COL5A2: variants seen among roughly 807,000 people sequenced by gnomAD.
COL5A2 encodes collagen alpha-2(V) chain.
A neutral mutation model predicts 208.2 loss-of-function variants in COL5A2; 23 were observed. That is an observed-to-expected ratio of 0.11 (90% CI 0.08 to 0.16). The LOEUF (loss-of-function observed/expected upper bound fraction) is 0.16. Ranked by LOEUF, COL5A2 falls within the 10% of genes least tolerant of loss-of-function variation. The probability of loss-of-function intolerance (pLI) is 1.00; values close to 1 mark genes in which losing one functional copy is unlikely to be tolerated. For missense variants in COL5A2, 1,590 were observed against 1,956.4 expected, an observed-to-expected ratio of 0.81 and a Z score of 3.53; for synonymous variants, 625 against 628.5, an observed-to-expected ratio of 0.99 and a Z score of 0.08.
At chr2:189,382,560 C>T in the COL5A2 span, among the ~76,000 whole-genome samples, 4 of 152,050 alleles carry the variant, frequency 2.6e-5, no homozygotes, top group Non-Finnish European at 5.9e-5. Context: ...AAAAAAGTTT[C>T]TGGTTCTTGT....
chr2:189,245,645 T>C, the COL5A2 span, among the ~76,000 whole-genome samples: 1 of 152,016 alleles, frequency 6.6e-6, no homozygotes, highest in Admixed American at 6.6e-5. Flanking sequence ...CCACCGTGCC[T>C]GGCTAATTTT....
chr2:189,433,639 T>C, the COL5A2 span, among the ~76,000 whole-genome samples: 3 of 152,262 alleles, frequency 2.0e-5, no homozygotes, highest in South Asian at 2.1e-4. Flanking sequence ...CAGGAAGAAG[T>C]TGAATCTCTG....
At chr2:189,064,136 G>A (rs566823524) in intron 25 of COL5A2, 103 bp from the exon 26 acceptor site, 40 of 888,166 alleles carry the variant, frequency 4.5e-5, no homozygotes, top group Admixed American at 1.2e-4. Context: ...TGAATAGAAT[G>A]ACATTTCTGT....
At chr2:189,118,018 G>T (rs530245503) in intron 1 of COL5A2, among the ~76,000 whole-genome samples, 1 of 152,052 alleles carries the variant, frequency 6.6e-6, no homozygotes, top group African/African-American at 2.4e-5. Flanking sequence ...TATATAAAAA[G>T]GGATTTTTAT....
upstream of COL5A2, among the ~76,000 whole-genome samples, chr2:189,180,430 T>A (rs558034672): frequency 6.6e-6 from 1 of 152,180 alleles, no homozygotes; most frequent in Non-Finnish European, 1.5e-5. Flanking sequence ...ATCTTCAGGT[T>A]CCTCTTGTCC....
At chr2:189,191,568 G>C (rs1434387905) in intron 1 of COL5A2, among the ~76,000 whole-genome samples, 3 of 152,098 alleles carry the variant, frequency 2.0e-5, no homozygotes, top group African/African-American at 7.2e-5. Flanking sequence ...TTGAACCTGG[G>C]AGGCAGAGAT....
intron 1 of COL5A2, among the ~76,000 whole-genome samples, chr2:189,202,968 G>A (rs1361291672): frequency 6.6e-6 from 1 of 152,006 alleles, no homozygotes; most frequent in East Asian, 1.9e-4. Context: ...CCTCCTCTAA[G>A]TATTTTTTCC....
chr2:189,271,681 C>T, the COL5A2 span, among the ~76,000 whole-genome samples: 1 of 152,136 alleles, frequency 6.6e-6, no homozygotes, highest in Non-Finnish European at 1.5e-5. Context: ...AACTACAGAG[C>T]TTCTGCATAA....
intron 1 of COL5A2, among the ~76,000 whole-genome samples, chr2:189,192,734 T>C (rs1688946669): frequency 6.6e-6 from 1 of 152,208 alleles, no homozygotes. Flanking sequence ...AAACCAGTGC[T>C]ACGGTTTGAA....
chr2:189,425,354 A>G, the COL5A2 span, among the ~76,000 whole-genome samples: 1 of 152,240 alleles, frequency 6.6e-6, no homozygotes, highest in Non-Finnish European at 1.5e-5. Context: ...TACTGGGTAT[A>G]TAGCCAAAGA....
chr2:189,326,845 C>T, the COL5A2 span, among the ~76,000 whole-genome samples: 54 of 151,694 alleles, frequency 3.6e-4, no homozygotes, highest in East Asian at 3.9e-3. Context: ...CTGAGGTGGG[C>T]GGATCACTTG....
chr2:189,283,853 T>TA, the COL5A2 span, among the ~76,000 whole-genome samples: 2 of 152,256 alleles, frequency 1.3e-5, no homozygotes, highest in East Asian at 3.9e-4. Flanking sequence ...AATATGAGCC[T>TA]AAAATTCACT....
intron 10 of COL5A2, 142 bp from the exon 11 acceptor site, chr2:189,085,355 A>T: frequency 1.2e-6 from 1 of 854,476 alleles, no homozygotes; most frequent in East Asian, 2.7e-5. Flanking sequence ...TGAGACAGAG[A>T]AAATAGTTTT....
At position 189,039,453 on chromosome 2, in the gene COL5A2, A is replaced by T; in HGVS notation, c.3744T>A (p.Leu1248=). Residue 1248 remains leucine (L), a synonymous_variant, in exon 51 of 54, where the codon CTT becomes CTA. Coordinates refer to ENST00000374866, the MANE Select transcript of COL5A2 (RefSeq NM_000393.5). ...CCGCCTGATCTTCAGTAAACTCAGG[A>T]AGTGGATCTGGCATGCTTTCATCAT... ...GHYDESMPDP[L]PEFTEDQAAP... is the part of the protein sequence containing the mutation. 6.2e-7 allele frequency: 1 copy of T among 1,614,068 alleles called. No individual in the cohort carries two copies. The highest frequency in any genetic ancestry group is 2.2e-5 in the East Asian group (1 of 44,854).
rs141828760 is a variant in COL5A2, at chr2:189,149,067, A to G, written c.97+30441T>C. ...AGGCAGGAGAATGACTTGAACCCGG[A>G]AGTCAGAGGTTGCAGTGAGCCGAGA... On this transcript the variant is annotated intron_variant, in intron 1 of 53. Transcript: ENST00000374866. 7.5e-3 allele frequency among the ~76,000 whole-genome samples: 1,140 copies of G among 152,184 alleles called. 20 individuals are homozygous for G. Among genetic ancestry groups the G allele is most frequent in the African/African-American group, 0.026 (1,068 of 41,506 alleles).
At chr2:189,086,794 G>A (rs759943461) in intron 8 of COL5A2, 24 bp from the exon 9 acceptor site, 43 of 1,565,514 alleles carry the variant, frequency 2.7e-5, no homozygotes, top group South Asian at 1.4e-4. Context: ...GAGGAGAAAC[G>A]TTGCAAAGTA....
Position 189,035,080 on chromosome 2 carries a change from C to T in COL5A2, c.4189G>A (p.Ala1397Thr). 2.5e-6 allele frequency: 4 copies of T among 1,613,852 alleles called. No individual in the cohort carries two copies. The highest frequency in any genetic ancestry group is 3.4e-6 in the Non-Finnish European group (4 of 1,179,880). Residue 1397 changes from alanine (A) to threonine (T), a missense_variant, in exon 53 of 54, where the codon GCC becomes ACC. Physicochemically the swap from Ala to Thr is moderately conservative, Grantham distance 58. Transcript: ENST00000374866. ...MTFLRLLSKE[A>T]SQNITYICKN... is the part of the protein sequence containing the mutation. ...CAGATGTAAGTGATGTTCTGGGAGGCTTCTTTTGATAAAAGGCGCAAAAAA... is the reference window on the plus strand; with the variant it reads ...CAGATGTAAGTGATGTTCTGGGAGGTTTCTTTTGATAAAAGGCGCAAAAAA...
chr2:189,083,088 C>T (rs10166301), intron 12 of COL5A2, among the ~76,000 whole-genome samples: 146,497 of 152,302 alleles, frequency 0.96, 70,558 homozygotes, highest in Non-Finnish European at 0.99. Context: ...GTTGATTGTA[C>T]TGAGTGGCAG....
chr2:189,306,640 T>C, the COL5A2 span, among the ~76,000 whole-genome samples: 1 of 152,208 alleles, frequency 6.6e-6, no homozygotes, highest in Non-Finnish European at 1.5e-5. Context: ...AATGTTAGCT[T>C]GTTTTTATTA....
Sources: gnomAD v4.1 joint callset for allele counts (sites outside exome capture counted in the v4.1 genomes callset) on GRCh38, gnomAD v4.1.1 for gene constraint, MANE v1.5 for transcripts, NCBI Gene and HGNC (gene_info 2026-07-23, HGNC 2026-07-21) for gene names.